Variants in PTPRD observed in about 807,000 individuals in gnomAD.
PTPRD encodes the protein protein tyrosine phosphatase receptor type D.
Under a neutral mutation model 214.5 loss-of-function variants are expected in PTPRD, and 34 were observed. The ratio of observed to expected loss-of-function variants is 0.16; its 90% CI spans 0.12 to 0.21. The LOEUF is 0.21. Among genes scored for constraint, PTPRD ranks in the 10% least tolerant of loss-of-function variants. PTPRD has a pLI of 1.00. For synonymous variants in PTPRD, 1,128 were observed against 845.7 expected (o/e 1.33, Z -5.79); for missense variants, 2,545 against 2,398.7 (o/e 1.06, Z -1.27).
chr9:9,571,070 A>C (rs2086233357), intron 8 of PTPRD, among the ~76,000 whole-genome samples: 1 of 151,456 alleles, frequency 6.6e-6, no homozygotes, highest in Admixed American at 6.6e-5. Context: ...CAGAGATGAA[A>C]AACAAACATT....
chr9:10,513,721 T>C (rs1338338054), intron 2 of PTPRD, among the ~76,000 whole-genome samples: 1 of 152,148 alleles, frequency 6.6e-6, no homozygotes, highest in Non-Finnish European at 1.5e-5. Context: ...TTGCCAAGTC[T>C]CTATCTCACT....
chr9:10,221,475 T>G (rs941156375), intron 3 of PTPRD, among the ~76,000 whole-genome samples: 1 of 152,064 alleles, frequency 6.6e-6, no homozygotes, highest in Non-Finnish European at 1.5e-5. Context: ...ATGTATATAT[T>G]GAACACAACA....
chr9:10,098,582 G>C (rs1023105553), intron 3 of PTPRD, among the ~76,000 whole-genome samples: 5 of 151,812 alleles, frequency 3.3e-5, no homozygotes, highest in African/African-American at 1.2e-4. Context: ...GAAAGAGGTA[G>C]AGGTATCTTT....
At chr9:9,901,936 T>TGC in intron 5 of PTPRD, among the ~76,000 whole-genome samples, 1 of 152,168 alleles carries the variant, frequency 6.6e-6, no homozygotes, top group African/African-American at 2.4e-5. Flanking sequence ...GCAAATATTT[T>TGC]TATTTAGATA....
intron 7 of PTPRD, among the ~76,000 whole-genome samples, chr9:9,703,000 T>A (rs1248030654): frequency 6.6e-6 from 1 of 152,210 alleles, no homozygotes; most frequent in Admixed American, 6.6e-5. Context: ...ACTGATATGC[T>A]TGGCTCTGTG....
intron 3 of PTPRD, among the ~76,000 whole-genome samples, chr9:10,165,017 C>G (rs901818763): frequency 3.3e-5 from 5 of 151,702 alleles, no homozygotes; most frequent in Non-Finnish European, 7.4e-5. Flanking sequence ...ATTGCCTCAT[C>G]TTTGATGGCC....
intron 3 of PTPRD, among the ~76,000 whole-genome samples, chr9:10,214,931 T>G (rs1564574950): frequency 6.6e-6 from 1 of 152,044 alleles, no homozygotes; most frequent in Non-Finnish European, 1.5e-5. Context: ...TCTAGGAATG[T>G]CTGTTGAAGC....
chr9:8,490,774 G>A (rs1020192333), intron 27 of PTPRD, among the ~76,000 whole-genome samples: 3 of 152,262 alleles, frequency 2.0e-5, no homozygotes, highest in South Asian at 2.1e-4. Flanking sequence ...ATCAGTACTC[G>A]TTTCCAAGAT....
At chr9:8,544,419 G>C (rs1023415822) in intron 14 of PTPRD, among the ~76,000 whole-genome samples, 1 of 148,594 alleles carries the variant, frequency 6.7e-6, no homozygotes, top group Admixed American at 6.7e-5. Context: ...AGTTGCTTTT[G>C]CCATTGATAT....
chr9:9,530,485 A>G (rs1455922489), intron 8 of PTPRD, among the ~76,000 whole-genome samples: 1 of 152,148 alleles, frequency 6.6e-6, no homozygotes, highest in Non-Finnish European at 1.5e-5. Context: ...ATGACATTGA[A>G]TCAGTAATAA....
At chr9:9,070,315 A>G (rs2099741947) in intron 10 of PTPRD, among the ~76,000 whole-genome samples, 1 of 152,230 alleles carries the variant, frequency 6.6e-6, no homozygotes, top group Admixed American at 6.5e-5. Flanking sequence ...TAATTCTACA[A>G]GAAATATGCT....
rs576931878 is a variant in PTPRD, at chr9:10,548,958, G to T, written c.-600+63440C>A. ...ACCATTAAATCGCAAAGGAAAATAA[G>T]AGAAAAAAATTGCATGTGTCTGCTT... On this transcript the variant is annotated intron_variant, in intron 2 of 45. Transcript: ENST00000381196. Among the ~76,000 whole-genome samples, 78 of 152,216 alleles carry T rather than the reference G, an allele frequency of 5.1e-4. 1 individual carries two copies. In the South Asian group the frequency reaches 8.1e-3, roughly 16 times the overall value.
intron 3 of PTPRD, among the ~76,000 whole-genome samples, chr9:10,172,825 G>A (rs1409212066): frequency 1.3e-5 from 2 of 152,082 alleles, no homozygotes; most frequent in Non-Finnish European, 2.9e-5. Flanking sequence ...TATGTGAAGA[G>A]GAATAAACTG....
chr9:9,365,983 T>C (rs540327552), intron 9 of PTPRD, among the ~76,000 whole-genome samples: 2 of 151,536 alleles, frequency 1.3e-5, no homozygotes, highest in Non-Finnish European at 3.0e-5. Flanking sequence ...GATATTAAAC[T>C]ATAATATTAT....
At chr9:9,863,741 A>G (rs550933760) in intron 5 of PTPRD, among the ~76,000 whole-genome samples, 15 of 152,264 alleles carry the variant, frequency 9.9e-5, no homozygotes, top group Middle Eastern at 3.4e-3. Flanking sequence ...GAATTGTCCT[A>G]GCTACTATAA....
At chr9:8,996,373 A>T (rs912489909) in intron 11 of PTPRD, among the ~76,000 whole-genome samples, 1 of 152,080 alleles carries the variant, frequency 6.6e-6, no homozygotes, top group African/African-American at 2.4e-5. Flanking sequence ...GCCAGAGTCA[A>T]GGGTTACGTA....
intron 9 of PTPRD, among the ~76,000 whole-genome samples, chr9:9,287,305 G>C (rs1322407871): frequency 6.6e-6 from 1 of 151,678 alleles, no homozygotes; most frequent in Non-Finnish European, 1.5e-5. Flanking sequence ...AAATGACCCA[G>C]TTGCCATGTG....
chr9:9,516,688 C>T (rs897208614), intron 8 of PTPRD, among the ~76,000 whole-genome samples: 1 of 151,958 alleles, frequency 6.6e-6, no homozygotes, highest in African/African-American at 2.4e-5. Flanking sequence ...CAGGCGTGGG[C>T]CACCACACCC....
intron 3 of PTPRD, among the ~76,000 whole-genome samples, chr9:10,035,820 C>T (rs1226964646): frequency 2.1e-5 from 3 of 141,908 alleles, no homozygotes; most frequent in African/African-American, 8.0e-5. Context: ...AAGTTTACTT[C>T]ATTAAAAAAA....
Sources: gnomAD v4.1 joint callset for allele counts (sites outside exome capture counted in the v4.1 genomes callset) on GRCh38, gnomAD v4.1.1 for gene constraint, MANE v1.5 for transcripts, NCBI Gene and HGNC (gene_info 2026-07-23, HGNC 2026-07-21) for gene names.